Variants in AKR1C8 observed in about 807,000 individuals in gnomAD.
AKR1C8 encodes the protein aldo-keto reductase family 1 member C-like protein 1.
the AKR1C8 span, among the ~76,000 whole-genome samples, chr10:5,171,493 T>A: frequency 6.6e-6 from 1 of 152,198 alleles, no homozygotes; most frequent in East Asian, 1.9e-4. Flanking sequence ...ATTTTATATT[T>A]GACAATGCTT....
chr10:5,164,313 A>C, the AKR1C8 span, among the ~76,000 whole-genome samples: 1 of 152,032 alleles, frequency 6.6e-6, no homozygotes, highest in Non-Finnish European at 1.5e-5. Context: ...CAAACCATTC[A>C]GGCCCCCTCT....
At chr10:5,144,049 T>C in the AKR1C8 span, among the ~76,000 whole-genome samples, 292 of 152,262 alleles carry the variant, frequency 1.9e-3, 1 homozygote, top group African/African-American at 6.5e-3. Flanking sequence ...ATGATACTTT[T>C]GAATAGTTAT....
chr10:5,121,291 G>A, the AKR1C8 span, among the ~76,000 whole-genome samples: 24 of 152,130 alleles, frequency 1.6e-4, no homozygotes, highest in African/African-American at 2.4e-4. Flanking sequence ...CCCCAGAGAT[G>A]GGCTTCAGAT....
the AKR1C8 span, among the ~76,000 whole-genome samples, chr10:5,131,891 G>T: frequency 6.6e-6 from 1 of 152,256 alleles, no homozygotes; most frequent in Non-Finnish European, 1.5e-5. Flanking sequence ...GCACACACGT[G>T]TATAGCAGTG....
the AKR1C8 span, among the ~76,000 whole-genome samples, chr10:5,116,630 AG>A: frequency 2.0e-5 from 3 of 152,224 alleles, no homozygotes; most frequent in South Asian, 6.2e-4. Context: ...TATTGGCTAC[AG>A]GCCATGAATC....
the AKR1C8 span, among the ~76,000 whole-genome samples, chr10:5,160,661 C>G: frequency 2.6e-5 from 4 of 152,316 alleles, no homozygotes; most frequent in South Asian, 8.3e-4. Flanking sequence ...ATTCCACTCT[C>G]TCACTTCACA....
chr10:5,175,146 C>T, the AKR1C8 span, among the ~76,000 whole-genome samples: 1 of 123,896 alleles, frequency 8.1e-6, no homozygotes, highest in Non-Finnish European at 1.6e-5. Flanking sequence ...CCGCAACAGT[C>T]CCCAGAGTGT....
the AKR1C8 span, among the ~76,000 whole-genome samples, chr10:5,117,418 A>G: frequency 6.6e-6 from 1 of 152,156 alleles, no homozygotes; most frequent in African/African-American, 2.4e-5. Context: ...GAAGCAAGCC[A>G]GGACCTGGGG....
chr10:5,171,359 A>G, the AKR1C8 span, among the ~76,000 whole-genome samples: 1 of 152,086 alleles, frequency 6.6e-6, no homozygotes, highest in Non-Finnish European at 1.5e-5. Context: ...ATTTTAACAT[A>G]ACAATTATAA....
At chr10:5,116,444 T>TTCCACC in the AKR1C8 span, among the ~76,000 whole-genome samples, 1 of 152,100 alleles carries the variant, frequency 6.6e-6, no homozygotes, top group Non-Finnish European at 1.5e-5. Context: ...CCACTTCCAC[T>TTCCACC]TCCACCCCTT....
chr10:5,155,677 T>C, the AKR1C8 span: 6 of 470,846 alleles, frequency 1.3e-5, no homozygotes, highest in Admixed American at 2.4e-5. Flanking sequence ...TCACTTACAA[T>C]TGTAACTTGT....
chr10:5,174,056 A>G, the AKR1C8 span, among the ~76,000 whole-genome samples: 1 of 152,014 alleles, frequency 6.6e-6, no homozygotes, highest in Admixed American at 6.6e-5. Context: ...CCTGAACCCA[A>G]AGAATTAGAG....
the AKR1C8 span, chr10:5,155,859 G>A: frequency 2.6e-6 from 1 of 380,926 alleles, no homozygotes; most frequent in East Asian, 7.9e-5. Flanking sequence ...ATGGCATTGG[G>A]GGAAGCATTT....
chr10:5,161,650 G>C, the AKR1C8 span: 1 of 530,460 alleles, frequency 1.9e-6, no homozygotes, highest in Non-Finnish European at 3.9e-6. Context: ...CCTTAAGGCT[G>C]GGGGACAAGG....
the AKR1C8 span, among the ~76,000 whole-genome samples, chr10:5,162,585 T>C: frequency 1.6e-4 from 25 of 152,328 alleles, no homozygotes; most frequent in African/African-American, 4.8e-4. Flanking sequence ...AGTGGACCCA[T>C]AGTGGCTTGG....
chr10:5,154,315 T>C, the AKR1C8 span: 1 of 371,054 alleles, frequency 2.7e-6, no homozygotes, highest in Non-Finnish European at 5.6e-6. Flanking sequence ...GCACACATGG[T>C]TTAATCTATG....
At chr10:5,157,602 G>A in the AKR1C8 span, 1 of 460,538 alleles carries the variant, frequency 2.2e-6, no homozygotes, top group Admixed American at 2.4e-5. Context: ...AGCACCCATG[G>A]CTCACTCTGG....
chr10:5,179,373 T>A, the AKR1C8 span, among the ~76,000 whole-genome samples: 1 of 152,216 alleles, frequency 6.6e-6, no homozygotes, highest in Admixed American at 6.5e-5. Flanking sequence ...AGCTTCCCTT[T>A]GTGGGTAACC....
At chr10:5,122,907 A>G in the AKR1C8 span, among the ~76,000 whole-genome samples, 4 of 152,290 alleles carry the variant, frequency 2.6e-5, no homozygotes, top group South Asian at 8.3e-4. Context: ...AGAATATATG[A>G]AATTCATACT....
Sources: allele counts gnomAD v4.1 joint callset (sites outside exome capture counted in the v4.1 genomes callset), GRCh38; gene constraint gnomAD v4.1.1; transcripts MANE v1.5; gene names NCBI Gene and HGNC (gene_info 2026-07-23, HGNC 2026-07-21).